The following BNIP3L variants were observed in gnomAD, a reference collection of about 807,000 sequenced individuals.
The protein encoded by BNIP3L is BCL2/adenovirus E1B 19 kDa protein-interacting protein 3-like.
BNIP3L carries 10 observed loss-of-function variants against 25.5 expected under a neutral mutation model. That is an observed-to-expected ratio of 0.39 (90% CI 0.24 to 0.67). The LOEUF is 0.67. Ranked by LOEUF, BNIP3L falls within the 30% of genes least tolerant of loss-of-function variation. BNIP3L has a pLI of 0.45. For synonymous variants in BNIP3L, 113 were observed against 101.2 expected, an observed-to-expected ratio of 1.12 and a Z score of -0.70; for missense variants, 215 against 270.9, an observed-to-expected ratio of 0.79 and a Z score of 1.45.
In BNIP3L at chr8:26,410,438, CG is replaced by C; in HGVS notation, c.*27del. Reference sequence around the variant, plus strand: ...GGGAAAGGAAAAGCCCCTGGAAATGCGTGTGACCTGTGAAGTGGTGTATTGT... The same window carrying C: ...GGGAAAGGAAAAGCCCCTGGAAATGCTGTGACCTGTGAAGTGGTGTATTGT... On this transcript the variant is annotated 3_prime_UTR_variant, in exon 6 of 6. Coordinates refer to ENST00000380629, the MANE Select transcript of BNIP3L (RefSeq NM_004331.3). The C allele has an allele frequency of 6.2e-7, 1 of 1,613,592 alleles. No homozygotes were observed. The highest frequency in any genetic ancestry group is 8.5e-7 in the Non-Finnish European group (1 of 1,179,506).
chr8:26,391,042 A>C (rs1373693277), intron 1 of BNIP3L, among the ~76,000 whole-genome samples: 2 of 151,956 alleles, frequency 1.3e-5, no homozygotes, highest in Non-Finnish European at 2.9e-5. Flanking sequence ...GCTGTTTCTC[A>C]GTTGATGGCA....
chr8:26,389,746 TCA>T (rs1563337871), intron 1 of BNIP3L, among the ~76,000 whole-genome samples: 1 of 152,244 alleles, frequency 6.6e-6, no homozygotes, highest in African/African-American at 2.4e-5. Context: ...GAAGCTCAGG[TCA>T]CACAGGTAGA....
chr8:26,391,456 C>A, intron 2 of BNIP3L, 30 bp downstream of exon 2: 1 of 1,491,824 alleles, frequency 6.7e-7, no homozygotes, highest in South Asian at 1.4e-5. Context: ...TGGTGGAATT[C>A]AGGAAACAGG....
chr8:26,384,727 A>T lies in BNIP3L; in HGVS notation c.100+1497A>T, dbSNP rs966630233. On this transcript the variant is annotated intron_variant, in intron 1 of 5. Coordinates refer to ENST00000380629, the MANE Select transcript of BNIP3L (RefSeq NM_004331.3). ...GCCTGTCTACTGCTCTTTTGAGGACATTTTTTTTTTTTTTTTTTTTTTTTT... is the reference window on the plus strand; with the variant it reads ...GCCTGTCTACTGCTCTTTTGAGGACTTTTTTTTTTTTTTTTTTTTTTTTTT... Among the ~76,000 whole-genome samples, 105 of 97,142 alleles carry T rather than the reference A, an allele frequency of 1.1e-3. 1 individual carries two copies. The highest frequency in any genetic ancestry group is 0.011 in the Middle Eastern group (2 of 180). The allele number at this position is 97,142 out of a possible 152,430, so 63.7% of individuals were successfully genotyped here. A position where few individuals can be genotyped will look rare whatever the true frequency, so the allele number is the denominator to read the frequency against.
intron 1 of BNIP3L, 156 bp downstream of exon 1, chr8:26,383,386 A>T: frequency 6.9e-7 from 1 of 1,447,898 alleles, no homozygotes; most frequent in Non-Finnish European, 9.1e-7. Context: ...CCCTGTCAAG[A>T]GGAGGGGCGC....
At chr8:26,393,032 C>T (rs148894969) in intron 2 of BNIP3L, among the ~76,000 whole-genome samples, 13 of 152,118 alleles carry the variant, frequency 8.5e-5, no homozygotes, top group Admixed American at 2.6e-4. Context: ...TGAACACTTT[C>T]GTACCCCTCA....
At chr8:26,403,882 C>A (rs927888810) in intron 3 of BNIP3L, among the ~76,000 whole-genome samples, 3 of 152,074 alleles carry the variant, frequency 2.0e-5, no homozygotes, top group Non-Finnish European at 4.4e-5. Context: ...TGATATTATC[C>A]CCATGGACCA....
chr8:26,384,924 A>G (rs1805957313), intron 1 of BNIP3L, among the ~76,000 whole-genome samples: 1 of 151,772 alleles, frequency 6.6e-6, no homozygotes, highest in South Asian at 2.1e-4. Flanking sequence ...GGCGCCCGAC[A>G]CCAAGCTAGG....
At chr8:26,383,930 C>G (rs1415422265) in intron 1 of BNIP3L, among the ~76,000 whole-genome samples, 1 of 151,768 alleles carries the variant, frequency 6.6e-6, no homozygotes, top group Non-Finnish European at 1.5e-5. Context: ...GGTTGTGCGC[C>G]CAGTAAAGCT....
intron 3 of BNIP3L, among the ~76,000 whole-genome samples, chr8:26,402,822 G>T (rs1054049583): frequency 3.9e-5 from 6 of 152,152 alleles, no homozygotes; most frequent in Non-Finnish European, 7.4e-5. Flanking sequence ...AAGCTTATTT[G>T]ACCTTAGACT....
At chr8:26,394,983 A>G (rs907384875) in intron 2 of BNIP3L, among the ~76,000 whole-genome samples, 2 of 152,188 alleles carry the variant, frequency 1.3e-5, no homozygotes, top group African/African-American at 2.4e-5. Context: ...TTCCTTTGCA[A>G]ATTTATCATT....
chr8:26,410,141 C>T (rs571511937), intron 5 of BNIP3L, among the ~76,000 whole-genome samples: 11 of 152,172 alleles, frequency 7.2e-5, no homozygotes, highest in African/African-American at 2.2e-4. Flanking sequence ...TGTCGAGCCC[C>T]GATATTTAAT....
rs1445971705 is a variant in BNIP3L, at chr8:26,406,779, A to T, written c.358-1221A>T. 5.3e-5 allele frequency among the ~76,000 whole-genome samples: 8 copies of T among 150,072 alleles called. No homozygotes were observed. The East Asian group carries it at 7.8e-4, about 15-fold the overall frequency. ...CGAGGCTGCAGTAAGCTGTGATTGC[A>T]CTCTGGCCTGGGTGACACAGGAGAC... On this transcript the variant is annotated intron_variant, in intron 3 of 5. Coordinates refer to ENST00000380629, the MANE Select transcript of BNIP3L (RefSeq NM_004331.3).
In BNIP3L at chr8:26,395,917, G is replaced by A. The variant is rs1238464740; in HGVS notation, c.357+615G>A. On this transcript the variant is annotated intron_variant, in intron 3 of 5. Transcript: ENST00000380629. ...ACCCGAATATTGTGCTTTTCAGACC[G>A]GCTTAAAAAACGGCGCACCACGAGA... 7 of 163,798 alleles carry A rather than the reference G, an allele frequency of 4.3e-5. No individual in the cohort carries two copies. The South Asian group carries it at 7.2e-4, about 17-fold the overall frequency. The allele number at this position is 163,798 out of a possible 1,614,324, so 10.1% of individuals were successfully genotyped here. A position where few individuals can be genotyped will look rare whatever the true frequency, so the allele number is the denominator to read the frequency against.
chr8:26,401,924 C>T (rs190561212), intron 3 of BNIP3L, among the ~76,000 whole-genome samples: 31 of 152,284 alleles, frequency 2.0e-4, no homozygotes, highest in African/African-American at 4.6e-4. Context: ...GTAAGATCAC[C>T]TAAAAGTGTC....
rs1273882545 is a variant in BNIP3L, at chr8:26,412,079, C to G, written c.*1667C>G. On this transcript the variant is annotated 3_prime_UTR_variant, in exon 6 of 6. Transcript: ENST00000380629. ...CTATCTTTAAGAAAGATGATATATCCTAGTTTTGAAAGTAATTTTCTTTTT... is the reference window on the plus strand; with the variant it reads ...CTATCTTTAAGAAAGATGATATATCGTAGTTTTGAAAGTAATTTTCTTTTT... The G allele has an allele frequency of 1.3e-5, 2 of 152,110 alleles. No homozygotes were observed. The highest frequency in any genetic ancestry group is 2.9e-5 in the Non-Finnish European group (2 of 67,960). The allele number at this position is 152,110 out of a possible 1,614,324, so 9.4% of individuals were successfully genotyped here.
chr8:26,405,395 T>C (rs1806476555), intron 3 of BNIP3L, among the ~76,000 whole-genome samples: 1 of 152,194 alleles, frequency 6.6e-6, no homozygotes, highest in African/African-American at 2.4e-5. Context: ...TGATTCTGAG[T>C]AATCTCAATA....
intron 3 of BNIP3L, among the ~76,000 whole-genome samples, chr8:26,400,371 G>A (rs1256149634): frequency 7.8e-6 from 1 of 128,566 alleles, no homozygotes; most frequent in Admixed American, 8.0e-5. Flanking sequence ...TATGTAGAAA[G>A]CTGAAACTGG....
intron 2 of BNIP3L, 91 bp from the exon 3 acceptor site, chr8:26,395,139 C>A: frequency 2.2e-6 from 3 of 1,354,564 alleles, no homozygotes; most frequent in Admixed American, 2.0e-5. Flanking sequence ...AGCCATACTG[C>A]TGTAACTTTT....
Sources: allele counts gnomAD v4.1 joint callset (sites outside exome capture counted in the v4.1 genomes callset), GRCh38; gene constraint gnomAD v4.1.1; transcripts MANE v1.5; gene names NCBI Gene and HGNC (gene_info 2026-07-23, HGNC 2026-07-21).